The following UVRAG variants were observed in gnomAD, a reference collection of about 807,000 sequenced individuals.
UVRAG encodes UV radiation resistance-associated gene protein.
In UVRAG, 19 loss-of-function variants were observed where a neutral mutation model predicts 78.0. The ratio of observed to expected loss-of-function variants is 0.24; its 90% CI spans 0.17 to 0.36. The LOEUF (loss-of-function observed/expected upper bound fraction) is 0.36, where lower values mean the gene tolerates loss of function less well. Among genes scored for constraint, UVRAG ranks in the 10% least tolerant of loss-of-function variants. The pLI is 1.00. For missense variants in UVRAG, 740 were observed against 853.8 expected (o/e 0.87, Z 1.66); for synonymous variants, 323 against 324.6 (o/e 1.00, Z 0.05).
At chr11:76,068,975 A>G (rs1301475761) in intron 13 of UVRAG, among the ~76,000 whole-genome samples, 2 of 152,250 alleles carry the variant, frequency 1.3e-5, no homozygotes, top group Non-Finnish European at 2.9e-5. Context: ...GAGGTGGATG[A>G]AAGCATTGGC....
intron 3 of UVRAG, among the ~76,000 whole-genome samples, chr11:75,864,211 A>G (rs1321262070): frequency 2.0e-5 from 3 of 151,892 alleles, no homozygotes; most frequent in Non-Finnish European, 4.4e-5. Flanking sequence ...ATGAACCACC[A>G]TGCCTGACTA....
intron 2 of UVRAG, among the ~76,000 whole-genome samples, chr11:75,854,130 G>A (rs1467803729): frequency 6.6e-6 from 1 of 152,160 alleles, no homozygotes; most frequent in African/African-American, 2.4e-5. Flanking sequence ...GCTAGCTATT[G>A]TAACAAATAC....
At chr11:75,919,295 C>T (rs908652758) in intron 6 of UVRAG, among the ~76,000 whole-genome samples, 1 of 151,972 alleles carries the variant, frequency 6.6e-6, no homozygotes, top group Admixed American at 6.6e-5. Flanking sequence ...CAGCTAAGAA[C>T]CCAACTGTAA....
intron 5 of UVRAG, among the ~76,000 whole-genome samples, chr11:75,900,455 G>A (rs561567949): frequency 5.9e-5 from 9 of 152,098 alleles, no homozygotes; most frequent in African/African-American, 2.2e-4. Context: ...TGCTTTCACC[G>A]TTATAGTAAT....
chr11:75,934,256 C>T (rs2135116297), intron 6 of UVRAG, among the ~76,000 whole-genome samples: 1 of 152,286 alleles, frequency 6.6e-6, no homozygotes. Context: ...ACAAACATCA[C>T]ATGTTCTCAC....
chr11:76,007,613 A>C lies in UVRAG; in HGVS notation c.991A>C (p.Ile331Leu). 6.2e-7 allele frequency: 1 copy of C among 1,613,018 alleles called. No homozygotes were observed. The highest frequency in any genetic ancestry group is 8.5e-7 in the Non-Finnish European group (1 of 1,179,518). Residue 331 changes from isoleucine (I) to leucine (L), a missense_variant, in exon 10 of 15, where the codon ATT becomes CTT. Transcript: ENST00000356136. The stretch of plus-strand genomic sequence containing the variant: ...CTCTGAGCTTTCCTACATTTACCCT[A>C]TTGATTTGGTAAGTTTCAAATTTTC... ...LLSELSYIYP[I>L]DLNEHKDYFV...
chr11:76,097,576 C>T (rs746146202), intron 13 of UVRAG, among the ~76,000 whole-genome samples: 5 of 152,088 alleles, frequency 3.3e-5, no homozygotes, highest in Admixed American at 2.0e-4. Context: ...GTTCTTTACT[C>T]GTTTTTACTG....
intron 13 of UVRAG, among the ~76,000 whole-genome samples, chr11:76,088,298 G>A (rs1951630593): frequency 6.6e-6 from 1 of 152,110 alleles, no homozygotes; most frequent in Admixed American, 6.6e-5. Context: ...CCTCTACTAA[G>A]GTAGAGTCCT....
intron 2 of UVRAG, among the ~76,000 whole-genome samples, chr11:75,853,502 G>A (rs376995507): frequency 2.8e-4 from 43 of 151,764 alleles, no homozygotes; most frequent in African/African-American, 1.0e-3. Flanking sequence ...CTGGGATTAC[G>A]GGCACATGCC....
chr11:75,930,127 C>A (rs924192544), intron 6 of UVRAG, among the ~76,000 whole-genome samples: 1 of 152,132 alleles, frequency 6.6e-6, no homozygotes, highest in African/African-American at 2.4e-5. Flanking sequence ...CTATTTAATT[C>A]TTTCAGCAAC....
chr11:76,092,751 G>A (rs549809568), intron 13 of UVRAG, among the ~76,000 whole-genome samples: 121 of 152,206 alleles, frequency 7.9e-4, no homozygotes, highest in African/African-American at 2.9e-3. Context: ...TGTCAGATGA[G>A]TAGATTGCAA....
At chr11:76,047,017 CAA>C (rs1209780685) in intron 12 of UVRAG, among the ~76,000 whole-genome samples, 1 of 152,070 alleles carries the variant, frequency 6.6e-6, no homozygotes, top group African/African-American at 2.4e-5. Context: ...TTCATTTGTA[CAA>C]AGTCTTTGCA....
intron 12 of UVRAG, among the ~76,000 whole-genome samples, chr11:76,033,999 G>A (rs988220562): frequency 3.3e-5 from 5 of 152,094 alleles, no homozygotes; most frequent in African/African-American, 9.7e-5. Context: ...CTAGTCTGTT[G>A]AGTAGCTGTT....
At chr11:76,098,762 C>G (rs1289356182) in intron 13 of UVRAG, among the ~76,000 whole-genome samples, 4 of 152,098 alleles carry the variant, frequency 2.6e-5, no homozygotes, top group African/African-American at 7.2e-5. Flanking sequence ...ACACCTAAAA[C>G]AAATTTATGC....
chr11:75,990,790 GT>G (rs1354490311), intron 8 of UVRAG, among the ~76,000 whole-genome samples: 1 of 152,090 alleles, frequency 6.6e-6, no homozygotes, highest in Non-Finnish European at 1.5e-5. Context: ...TTGATTATTA[GT>G]CTATCTCCTT....
chr11:76,060,600 C>A (rs149199286), intron 12 of UVRAG, among the ~76,000 whole-genome samples: 14 of 152,348 alleles, frequency 9.2e-5, no homozygotes, highest in African/African-American at 2.6e-4. Flanking sequence ...TGCAGCACGG[C>A]GCTTGCGGGC....
intron 14 of UVRAG, chr11:76,137,174 A>G (rs923450856): frequency 8.3e-6 from 3 of 362,770 alleles, no homozygotes; most frequent in African/African-American, 4.3e-5. Context: ...GTTTACTCAT[A>G]CTTTGCACAC....
intron 13 of UVRAG, among the ~76,000 whole-genome samples, chr11:76,113,035 T>C (rs1952107618): frequency 6.6e-6 from 1 of 152,132 alleles, no homozygotes; most frequent in Non-Finnish European, 1.5e-5. Flanking sequence ...TTGTTAGAGT[T>C]TGGGGAGTAT....
intron 5 of UVRAG, chr11:75,911,248 T>A: frequency 6.2e-6 from 1 of 162,404 alleles, no homozygotes; most frequent in Non-Finnish European, 1.4e-5. Flanking sequence ...GGATCGAGGG[T>A]TCCTTTGTGC....
Sources: gnomAD v4.1 joint callset for allele counts (sites outside exome capture counted in the v4.1 genomes callset) on GRCh38, gnomAD v4.1.1 for gene constraint, MANE v1.5 for transcripts, NCBI Gene and HGNC (gene_info 2026-07-23, HGNC 2026-07-21) for gene names.